The following ANKRD30B variants were observed in gnomAD, a reference collection of about 807,000 sequenced individuals.
ANKRD30B encodes ankyrin repeat domain-containing protein 30B.
In ANKRD30B, 144 loss-of-function variants were observed where a neutral mutation model predicts 202.2. The observed-to-expected ratio is 0.71, with a 90% CI of 0.62 to 0.82. The LOEUF is 0.82. ANKRD30B is among the 40% of genes least tolerant of loss of function. ANKRD30B has a pLI of 0.00. For synonymous variants in ANKRD30B, 508 were observed against 561.3 expected, an observed-to-expected ratio of 0.91 and a Z score of 1.34; for missense variants, 1,487 against 1,669.1, an observed-to-expected ratio of 0.89 and a Z score of 1.90.
chr18:14,778,186 G>A (rs1400121436), intron 10 of ANKRD30B, 111 bp downstream of exon 10: 32 of 713,964 alleles, frequency 4.5e-5, no homozygotes, highest in East Asian at 1.7e-4. Flanking sequence ...TGCATAACAC[G>A]GAAGAACAAA....
rs758543846 is a variant in ANKRD30B, at chr18:14,791,457, A to G, written c.1791A>G (p.Gln597=). The change falls in exon 16 of 44, where the codon CAA becomes CAG. Residue 597 remains glutamine, a synonymous_variant. Transcript: ENST00000690538. ...TGTATTTACCCAAAGCTACACATCAAAAAGAATTCGATACCTTAAGTGGAA... is the reference window on the plus strand; with the variant it reads ...TGTATTTACCCAAAGCTACACATCAGAAAGAATTCGATACCTTAAGTGGAA... ...KDVYLPKATH[Q]KEFDTLSGKL... 1 of 1,611,478 alleles carries G rather than the reference A, an allele frequency of 6.2e-7. No homozygotes were observed. The highest frequency in any genetic ancestry group is 1.3e-5 in the African/African-American group (1 of 74,894).
At chr18:14,849,837 T>C (rs1168537136) in intron 40 of ANKRD30B, among the ~76,000 whole-genome samples, 1 of 151,658 alleles carries the variant, frequency 6.6e-6, no homozygotes, top group East Asian at 1.9e-4. Context: ...TAAAAAGTAA[T>C]GTCACTTTAA....
At chr18:14,863,272 G>T in the ANKRD30B span, among the ~76,000 whole-genome samples, 1 of 152,134 alleles carries the variant, frequency 6.6e-6, no homozygotes, top group Non-Finnish European at 1.5e-5. Context: ...CTAGTGGAAG[G>T]TGTTGAATCA....
chr18:14,877,037 G>A, the ANKRD30B span, among the ~76,000 whole-genome samples: 3 of 152,198 alleles, frequency 2.0e-5, no homozygotes, highest in Admixed American at 2.0e-4. Flanking sequence ...AACATTCCTG[G>A]CTTCTGTCCC....
chr18:14,886,362 A>C, the ANKRD30B span, among the ~76,000 whole-genome samples: 3 of 152,042 alleles, frequency 2.0e-5, no homozygotes, highest in Non-Finnish European at 4.4e-5. Flanking sequence ...CTAGAATTCT[A>C]AGTGTGTGTA....
In ANKRD30B at chr18:14,808,711, T is replaced by G; in HGVS notation, c.2353T>G (p.Leu785Val). Reference sequence around the variant, plus strand: ...GAAAGTTTCTCTTCCAAATAAAGCCTTAGAATTAAAGGACAGAGAAACACT... The same window carrying G: ...GAAAGTTTCTCTTCCAAATAAAGCCGTAGAATTAAAGGACAGAGAAACACT... ...GRKVSLPNKA[L>V]ELKDRETLKA... Residue 785 changes from leucine (L) to valine (V), a missense_variant, in exon 26 of 44, where the codon TTA becomes GTA. Physicochemically the swap from Leu to Val is conservative, Grantham distance 32. Coordinates refer to ENST00000690538, the MANE Select transcript of ANKRD30B (RefSeq NM_001367607.2). The G allele has an allele frequency of 6.6e-7, 1 of 1,521,552 alleles. No homozygotes were observed. The highest frequency in any genetic ancestry group is 8.9e-7 in the Non-Finnish European group (1 of 1,129,608). 94.3% of individuals were successfully genotyped at this position (1,521,552 alleles called of 1,614,324 possible). A position where few individuals can be genotyped will look rare whatever the true frequency, so the allele number is the denominator to read the frequency against.
chr18:14,863,147 G>GTCATA, the ANKRD30B span, among the ~76,000 whole-genome samples: 566 of 152,256 alleles, frequency 3.7e-3, 1 homozygote, highest in African/African-American at 0.013. Context: ...TAATTGTATT[G>GTCATA]TGCAATATGA....
chr18:14,772,015 A>T (rs866892263), intron 8 of ANKRD30B, 141 bp from the exon 9 acceptor site: 3 of 434,816 alleles, frequency 6.9e-6, no homozygotes, highest in African/African-American at 6.1e-5. Flanking sequence ...GAAACATGAT[A>T]TAATATACAG....
chr18:14,902,548 A>G, the ANKRD30B span, among the ~76,000 whole-genome samples: 1 of 152,218 alleles, frequency 6.6e-6, no homozygotes, highest in Admixed American at 6.5e-5. Flanking sequence ...CAGGCCAAGT[A>G]TAACAAGTCT....
At chr18:14,853,535 C>CTTTTTTTTTTTTT (rs201106360) in intron 42 of ANKRD30B, among the ~76,000 whole-genome samples, 1 of 141,968 alleles carries the variant, frequency 7.0e-6, no homozygotes, top group South Asian at 2.2e-4. Context: ...CTAGTCCTGC[C>CTTTTTTTTTTTTT]TTTTTTTTTT....
At chr18:14,940,791 A>G in the ANKRD30B span, among the ~76,000 whole-genome samples, 1 of 152,184 alleles carries the variant, frequency 6.6e-6, no homozygotes, top group East Asian at 1.9e-4. Flanking sequence ...TGCTGGACTG[A>G]AACCTCCTGG....
rs189761865 is a variant in ANKRD30B, at chr18:14,822,779, G to T, written c.2743+102G>T. The T allele has an allele frequency of 6.9e-4, 953 of 1,374,702 alleles. 7 individuals carry two copies. The African/African-American group carries it at 0.011, about 16-fold the overall frequency. 85.2% of individuals were successfully genotyped at this position (1,374,702 alleles called of 1,614,324 possible). Reference sequence around the variant, plus strand: ...CCAATGTTGTTTTCTTTTCAAAATTGGATGGGAAAATTTGACACAAATAAT... The same window carrying T: ...CCAATGTTGTTTTCTTTTCAAAATTTGATGGGAAAATTTGACACAAATAAT... On this transcript the variant is annotated intron_variant, in intron 32 of 43. Transcript: ENST00000690538.
intron 9 of ANKRD30B, among the ~76,000 whole-genome samples, chr18:14,773,257 A>C (rs1967128482): frequency 6.6e-6 from 1 of 152,190 alleles, no homozygotes; most frequent in Non-Finnish European, 1.5e-5. Flanking sequence ...TTAGTTATTT[A>C]AATAATCATT....
At chr18:14,880,326 G>A in the ANKRD30B span, among the ~76,000 whole-genome samples, 1 of 152,022 alleles carries the variant, frequency 6.6e-6, no homozygotes, top group Non-Finnish European at 1.5e-5. Context: ...ATGCCTCCAG[G>A]TTTGTTCTTT....
chr18:14,753,872 A>G (rs1913887541), intron 3 of ANKRD30B, among the ~76,000 whole-genome samples: 1 of 152,090 alleles, frequency 6.6e-6, no homozygotes, highest in Admixed American at 6.6e-5. Context: ...ATCCACATAG[A>G]TGAGTTAGAA....
chr18:14,940,258 C>G, the ANKRD30B span, among the ~76,000 whole-genome samples: 2 of 152,176 alleles, frequency 1.3e-5, no homozygotes, highest in African/African-American at 4.8e-5. Context: ...TTCGTTCTTC[C>G]CGTGGTGGAA....
At chr18:14,785,906 C>T (rs559545148) in intron 14 of ANKRD30B, among the ~76,000 whole-genome samples, 9 of 152,006 alleles carry the variant, frequency 5.9e-5, no homozygotes, top group Middle Eastern at 3.4e-3. Context: ...GGTGCGGTGG[C>T]GGGCGCCTGT....
intron 22 of ANKRD30B, among the ~76,000 whole-genome samples, chr18:14,800,491 ATTC>A (rs1005927484): frequency 3.3e-5 from 5 of 150,780 alleles, no homozygotes; most frequent in African/African-American, 1.2e-4. Flanking sequence ...CGCCTGGCTC[ATTC>A]TTTGTATTTT....
chr18:14,902,708 G>A, the ANKRD30B span, among the ~76,000 whole-genome samples: 1 of 152,008 alleles, frequency 6.6e-6, no homozygotes, highest in Non-Finnish European at 1.5e-5. Context: ...CCAGGGTACC[G>A]CCCCAGACAA....
Sources: allele counts gnomAD v4.1 joint callset (sites outside exome capture counted in the v4.1 genomes callset), GRCh38; gene constraint gnomAD v4.1.1; transcripts MANE v1.5; gene names NCBI Gene and HGNC (gene_info 2026-07-23, HGNC 2026-07-21).